Variants in PTPRQ observed in about 807,000 individuals in gnomAD.
PTPRQ encodes the protein phosphatidylinositol phosphatase PTPRQ.
In PTPRQ, 199 loss-of-function variants were observed where a neutral mutation model predicts 246.0. That is an observed-to-expected ratio of 0.81 (90% CI 0.72 to 0.91). PTPRQ has a LOEUF of 0.91. PTPRQ is among the 40% of genes least tolerant of loss of function. PTPRQ has a pLI of 0.00. For missense variants in PTPRQ, 2,624 were observed against 2,528.4 expected (o/e 1.04, Z -0.81); for synonymous variants, 869 against 853.2 (o/e 1.02, Z -0.32).
chr12:80,652,962 G>A, intron 38 of PTPRQ, 128 bp downstream of exon 38: 1 of 1,067,642 alleles, frequency 9.4e-7, no homozygotes, highest in Non-Finnish European at 1.2e-6. Context: ...TTTATTGGCA[G>A]TGACTACCAA....
chr12:80,583,074 T>A (rs1757179993), intron 25 of PTPRQ, among the ~76,000 whole-genome samples: 1 of 152,162 alleles, frequency 6.6e-6, no homozygotes, highest in South Asian at 2.1e-4. Flanking sequence ...TTCAGGGTCT[T>A]AACACCTTCA....
rs1424271561 is a variant in PTPRQ at position 80,669,448 on chromosome 12, A to C, written c.6437A>C (p.Asp2146Ala). The change falls in exon 41 of 45, where the codon GAT becomes GCT. Residue 2146 changes from aspartate (D) to alanine (A), a missense_variant. Asp to Ala is a moderately radical substitution (Grantham distance 126, BLOSUM62 -2). Transcript: ENST00000644991. ...GTTCAAATAGATTGGACTATCAGGG[A>C]TCTGAAAATTGAAAGGGTAAAAAAA... Reference protein sequence around the residue: ...EDVQIDWTIRDLKIERHGDCM... With the variant: ...EDVQIDWTIRALKIERHGDCM... 5.8e-6 allele frequency: 9 copies of C among 1,545,220 alleles called. No individual in the cohort carries two copies. Among genetic ancestry groups the C allele is most frequent in the African/African-American group, 1.4e-5 (1 of 72,598 alleles).
At chr12:80,585,663 T>A (rs1006408142) in intron 25 of PTPRQ, among the ~76,000 whole-genome samples, 3 of 152,176 alleles carry the variant, frequency 2.0e-5, no homozygotes, top group African/African-American at 7.2e-5. Flanking sequence ...CTGCTTCAAA[T>A]TTCTCTTTCT....
chr12:80,676,960 T>C (rs1480613242), intron 43 of PTPRQ, among the ~76,000 whole-genome samples: 3 of 152,290 alleles, frequency 2.0e-5, no homozygotes, highest in Non-Finnish European at 2.9e-5. Flanking sequence ...TAAGGTAATA[T>C]GGCTCTCTAG....
chr12:80,669,318 G>A, intron 40 of PTPRQ, 21 bp from the exon 41 acceptor site: 2 of 1,547,742 alleles, frequency 1.3e-6, no homozygotes, highest in Middle Eastern at 1.7e-4. Context: ...GCTTATGACT[G>A]ATGATTTTCT....
At chr12:80,651,713 G>T (rs1900264171) in intron 37 of PTPRQ, among the ~76,000 whole-genome samples, 1 of 152,038 alleles carries the variant, frequency 6.6e-6, no homozygotes, top group African/African-American at 2.4e-5. Context: ...AAATATAAGT[G>T]CTCTTTCAGT....
At chr12:80,605,314 A>G (rs1181470395) in intron 27 of PTPRQ, 134 bp downstream of exon 27, 16 of 1,143,832 alleles carry the variant, frequency 1.4e-5, no homozygotes, top group South Asian at 3.3e-5. Context: ...TTGTGTTTCA[A>G]TGTCTACATC....
chr12:80,656,351 G>A (rs1213464081), intron 38 of PTPRQ, among the ~76,000 whole-genome samples: 1 of 152,102 alleles, frequency 6.6e-6, no homozygotes, highest in Non-Finnish European at 1.5e-5. Flanking sequence ...CAAAATCTGT[G>A]TTATAATGAC....
intron 33 of PTPRQ, among the ~76,000 whole-genome samples, chr12:80,623,202 GA>G: frequency 6.6e-6 from 1 of 152,192 alleles, no homozygotes; most frequent in South Asian, 2.1e-4. Context: ...TTTTTAGCCA[GA>G]AATTCTCATT....
At chr12:80,564,579 G>T (rs1206334900) in intron 25 of PTPRQ, among the ~76,000 whole-genome samples, 1 of 152,180 alleles carries the variant, frequency 6.6e-6, no homozygotes, top group Non-Finnish European at 1.5e-5. Context: ...GTATTGGGAT[G>T]ACTGTAATGA....
chr12:80,599,482 A>G (rs375448819), intron 26 of PTPRQ, among the ~76,000 whole-genome samples: 2 of 151,908 alleles, frequency 1.3e-5, no homozygotes, highest in African/African-American at 4.8e-5. Context: ...TTAAACTGGC[A>G]TATTTTCAAC....
rs567626719 is a variant in PTPRQ at position 80,607,479 on chromosome 12, C to G, written c.4731+2299C>G. On this transcript the variant is annotated intron_variant, in intron 27 of 44. Coordinates refer to ENST00000644991, the MANE Select transcript of PTPRQ (RefSeq NM_001145026.2). ...CCTTCCTTCCTCCCTCCCACCCTCC[C>G]TCCTTCCCTTACTTCCTTCCTTCCT... Among the ~76,000 whole-genome samples the G allele has an allele frequency of 2.8e-3, 411 of 148,502 alleles. 4 individuals carry two copies. The highest frequency in any genetic ancestry group is 3.5e-3 in the Non-Finnish European group (231 of 66,296).
At chr12:80,654,881 A>C (rs545430915) in intron 38 of PTPRQ, among the ~76,000 whole-genome samples, 1 of 151,678 alleles carries the variant, frequency 6.6e-6, no homozygotes, top group African/African-American at 2.4e-5. Flanking sequence ...ATAATAATTA[A>C]TTTATAATAT....
chr12:80,522,153 GCTAT>G (rs1227175186), intron 17 of PTPRQ, among the ~76,000 whole-genome samples: 5 of 152,024 alleles, frequency 3.3e-5, no homozygotes, highest in African/African-American at 1.2e-4. Flanking sequence ...TCATGATTTG[GCTAT>G]CTGTTTGTCT....
chr12:80,496,611 AT>A, intron 14 of PTPRQ, 80 bp downstream of exon 14: 1 of 1,436,832 alleles, frequency 7.0e-7, no homozygotes, highest in South Asian at 1.5e-5. Flanking sequence ...TGTTGTTTAC[AT>A]TTTACATAAC....
intron 25 of PTPRQ, among the ~76,000 whole-genome samples, chr12:80,562,603 C>T (rs951954173): frequency 2.0e-5 from 3 of 151,808 alleles, no homozygotes; most frequent in Non-Finnish European, 4.4e-5. Context: ...AATGAAAATT[C>T]AACATATCAA....
intron 9 of PTPRQ, among the ~76,000 whole-genome samples, chr12:80,487,074 C>T (rs188595757): frequency 4.5e-4 from 68 of 152,194 alleles, no homozygotes; most frequent in African/African-American, 1.5e-3. Flanking sequence ...TTTTGAAGAC[C>T]TAACAGTTTC....
chr12:80,615,663 G>A (rs966036537), intron 29 of PTPRQ, among the ~76,000 whole-genome samples: 7 of 151,040 alleles, frequency 4.6e-5, no homozygotes, highest in Non-Finnish European at 8.9e-5. Flanking sequence ...TCTTTCAGGG[G>A]AATGATTTAA....
In PTPRQ at chr12:80,616,655, A is replaced by G. The variant is rs60774667; in HGVS notation, c.5230+389A>G. 8.8e-4 allele frequency among the ~76,000 whole-genome samples: 133 copies of G among 151,234 alleles called. 1 individual carries two copies. The East Asian group carries it at 0.02, about 22-fold the overall frequency. On this transcript the variant is annotated intron_variant, in intron 30 of 44. Transcript: ENST00000644991. ...TTATTAGATTGTTTGACTGATTTTT[A>G]TTTTGGAAGTGAGATTCTTTCAGTT...
Sources: allele counts gnomAD v4.1 joint callset (sites outside exome capture counted in the v4.1 genomes callset), GRCh38; gene constraint gnomAD v4.1.1; transcripts MANE v1.5; gene names NCBI Gene and HGNC (gene_info 2026-07-23, HGNC 2026-07-21).